The following PABPN1 variants were observed in gnomAD, a reference collection of about 807,000 sequenced individuals.
The protein encoded by PABPN1 is poly(A) binding protein nuclear 1, also known as polyadenylate-binding protein 2.
In PABPN1, 5 loss-of-function variants were observed where a neutral mutation model predicts 33.4. The ratio of observed to expected loss-of-function variants is 0.15; its 90% CI spans 0.08 to 0.32. The LOEUF (loss-of-function observed/expected upper bound fraction) is 0.32. PABPN1 is among the 10% of genes least tolerant of loss of function. The probability of loss-of-function intolerance (pLI) is 1.00; values close to 1 mark genes in which losing one functional copy is unlikely to be tolerated. For synonymous variants in PABPN1, 176 were observed against 170.6 expected, an observed-to-expected ratio of 1.03 and a Z score of -0.25; for missense variants, 312 against 425.8, an observed-to-expected ratio of 0.73 and a Z score of 2.35.
At position 23,325,497 on chromosome 14, in the gene PABPN1, G is replaced by C; in HGVS notation, c.*211G>C. The C allele has an allele frequency of 1.6e-6, 1 of 617,724 alleles. No homozygotes were observed. Among genetic ancestry groups the C allele is most frequent in the East Asian group, 2.8e-5 (1 of 35,120 alleles). The allele number at this position is 617,724 out of a possible 1,614,324, so 38.3% of individuals were successfully genotyped here. On this transcript the variant is annotated 3_prime_UTR_variant, in exon 7 of 7. Transcript: ENST00000216727. ...GGGAGTAGGGGAAGGCCCAGGGAGTGGGGCAGGGGGCTGCTTATTCACTCT... is the reference window on the plus strand; with the variant it reads ...GGGAGTAGGGGAAGGCCCAGGGAGTCGGGCAGGGGGCTGCTTATTCACTCT...
Position 23,324,066 on chromosome 14 carries a change from C to G in PABPN1, c.729+14C>G. ...AGGCAAATCAAGGTAAGCCTATGTC[C>G]ATTGCTGTTCTAGTTGTGTATAAAC... On this transcript the variant is annotated intron_variant, in intron 5 of 6. Transcript: ENST00000216727. The G allele has an allele frequency of 6.2e-7, 1 of 1,614,148 alleles. No individual in the cohort carries two copies. Among genetic ancestry groups the G allele is most frequent in the Non-Finnish European group, 8.5e-7 (1 of 1,180,014 alleles).
In PABPN1 at chr14:23,325,458, A is replaced by G; in HGVS notation, c.*172A>G. 1 of 869,374 alleles carries G rather than the reference A, an allele frequency of 1.2e-6. No homozygotes were observed. Among genetic ancestry groups the G allele is most frequent in the Non-Finnish European group, 1.7e-6 (1 of 588,692 alleles). The allele number at this position is 869,374 out of a possible 1,614,324, so 53.9% of individuals were successfully genotyped here. On this transcript the variant is annotated 3_prime_UTR_variant, in exon 7 of 7. Transcript: ENST00000216727. Reference sequence around the variant, plus strand: ...AGAATCCCATAACTAACTGCTGAGGAGGGACCTGCTTTGGGGAGTAGGGGA... The same window carrying G: ...AGAATCCCATAACTAACTGCTGAGGGGGGACCTGCTTTGGGGAGTAGGGGA...
chr14:23,325,124 A>T (rs568826013), intron 6 of PABPN1, 123 bp from the exon 7 acceptor site: 2 of 1,371,338 alleles, frequency 1.5e-6, no homozygotes, highest in Admixed American at 3.7e-5. Context: ...CAGTTTTAGG[A>T]CACTTGAACA....
Position 23,324,809 on chromosome 14 carries a change from GC to G in PABPN1, c.882-435del, listed in dbSNP as rs977974457. ...AACTTCTCACTGGGCCTAGTGTGGT[GC>G]CCAGGTTTTTGCCTTGCTTCACTTC... On this transcript the variant is annotated intron_variant, in intron 6 of 6. Coordinates refer to ENST00000216727, the MANE Select transcript of PABPN1 (RefSeq NM_004643.4). 6 of 237,532 alleles carry G rather than the reference GC, an allele frequency of 2.5e-5. 1 individual carries two copies. In the East Asian group the frequency reaches 5.0e-4, roughly 20 times the overall value. The allele number at this position is 237,532 out of a possible 1,614,324, so 14.7% of individuals were successfully genotyped here. A position where few individuals can be genotyped will look rare whatever the true frequency, so the allele number is the denominator to read the frequency against.
In PABPN1 at chr14:23,323,597, T is replaced by TTAA; in HGVS notation, c.641+115_641+117dup. ...TGTTAACACAGGTGATCTGTGTCAT[T>TTAA]TAAGATCATGGCATTAATGTTGATA... On this transcript the variant is annotated intron_variant, in intron 4 of 6. Coordinates refer to ENST00000216727, the MANE Select transcript of PABPN1 (RefSeq NM_004643.4). 3.0e-6 allele frequency: 3 copies of TTAA among 1,010,798 alleles called. No individual in the cohort carries two copies. In the African/African-American group the frequency reaches 4.8e-5, roughly 16 times the overall value. The allele number at this position is 1,010,798 out of a possible 1,614,324, so 62.6% of individuals were successfully genotyped here.
intron 2 of PABPN1, 163 bp from the exon 3 acceptor site, chr14:23,322,836 C>A: frequency 1.3e-6 from 1 of 783,736 alleles, no homozygotes; most frequent in Non-Finnish European, 2.2e-6. Flanking sequence ...ACCTGCTATG[C>A]ACTAGGCACT....
At position 23,321,499 on chromosome 14, in the gene PABPN1, A is replaced by T. The variant is rs949691777; in HGVS notation, c.30A>T (p.Ala10=). ...CGGCGGCGGCGGCGGCGGCAGCAGCAGCGGGGGCTGCGGGCGGTCGGGGCT... is the reference window on the plus strand; with the variant it reads ...CGGCGGCGGCGGCGGCGGCAGCAGCTGCGGGGGCTGCGGGCGGTCGGGGCT... MAAAAAAAA[A]AGAAGGRGSG... is the part of the protein sequence containing the mutation. Residue 10 remains alanine, a synonymous_variant, in exon 1 of 7, where the codon GCA becomes GCT. Transcript: ENST00000216727. 3.3e-6 allele frequency: 4 copies of T among 1,219,840 alleles called. No homozygotes were observed. Among genetic ancestry groups the T allele is most frequent in the Admixed American group, 4.4e-5 (1 of 22,774 alleles). 75.6% of individuals were successfully genotyped at this position (1,219,840 alleles called of 1,614,324 possible). A position where few individuals can be genotyped will look rare whatever the true frequency, so the allele number is the denominator to read the frequency against.
chr14:23,324,948 A>G, intron 6 of PABPN1: 1 of 375,580 alleles, frequency 2.7e-6, no homozygotes, highest in East Asian at 4.5e-5. Context: ...CTAGGGTTTA[A>G]GAGCTGTGGA....
Position 23,325,366 on chromosome 14 carries a change from A to G in PABPN1, c.*80A>G. The G allele has an allele frequency of 6.1e-6, 9 of 1,481,230 alleles. No homozygotes were observed. Among genetic ancestry groups the G allele is most frequent in the African/African-American group, 1.4e-5 (1 of 69,678 alleles). 91.8% of individuals were successfully genotyped at this position (1,481,230 alleles called of 1,614,324 possible). On this transcript the variant is annotated 3_prime_UTR_variant, in exon 7 of 7. Transcript: ENST00000216727. Reference sequence around the variant, plus strand: ...AAAAGAATTAAAAAAAAAAAAAAGAAAAACAGAAGATGACCTTGATGGAAA... The same window carrying G: ...AAAAGAATTAAAAAAAAAAAAAAGAGAAACAGAAGATGACCTTGATGGAAA...
Position 23,325,368 on chromosome 14 carries a change from A to T in PABPN1, c.*82A>T. On this transcript the variant is annotated 3_prime_UTR_variant, in exon 7 of 7. Transcript: ENST00000216727. ...AAGAATTAAAAAAAAAAAAAAGAAA[A>T]ACAGAAGATGACCTTGATGGAAAAA... 6.8e-7 allele frequency: 1 copy of T among 1,474,066 alleles called. No homozygotes were observed. Among genetic ancestry groups the T allele is most frequent in the Non-Finnish European group, 9.1e-7 (1 of 1,095,940 alleles). The allele number at this position is 1,474,066 out of a possible 1,614,324, so 91.3% of individuals were successfully genotyped here.
rs748378670 is a variant in PABPN1 at position 23,325,327 on chromosome 14, A to G, written c.*41A>G. 2 of 1,559,414 alleles carry G rather than the reference A, an allele frequency of 1.3e-6. No individual in the cohort carries two copies. Among genetic ancestry groups the G allele is most frequent in the Non-Finnish European group, 1.7e-6 (2 of 1,157,464 alleles). ...GGAGGAGAGAGAGGAAAAAAAGAGG[A>G]AAGAAGGAAAAAAAAAAGAATTAAA... On this transcript the variant is annotated 3_prime_UTR_variant, in exon 7 of 7. Coordinates refer to ENST00000216727, the MANE Select transcript of PABPN1 (RefSeq NM_004643.4).
chr14:23,325,118 T>C, intron 6 of PABPN1, 129 bp from the exon 7 acceptor site: 2 of 1,337,398 alleles, frequency 1.5e-6, no homozygotes, highest in Non-Finnish European at 1.1e-6. Flanking sequence ...TGGGGTCAGT[T>C]TTAGGACACT....
At position 23,322,176 on chromosome 14, in the gene PABPN1, A is replaced by G. The variant is rs1193336636; in HGVS notation, c.352-5A>G. 23 of 1,601,654 alleles carry G rather than the reference A, an allele frequency of 1.4e-5. No individual in the cohort carries two copies. Among genetic ancestry groups the G allele is most frequent in the Non-Finnish European group, 1.6e-5 (19 of 1,174,010 alleles). On this transcript the variant is annotated splice_region_variant and splice_polypyrimidine_tract_variant and intron_variant, in intron 1 of 6. Transcript: ENST00000216727. ...TGTCCTCCATACCCTCCCCACTTAT[A>G]TTAGGAGCTGGAAGCTATCAAAGCT...
chr14:23,321,949 T>C, intron 1 of PABPN1, 129 bp downstream of exon 1: 1 of 753,378 alleles, frequency 1.3e-6, no homozygotes, highest in Non-Finnish European at 2.1e-6. Context: ...TGGGGCCGGG[T>C]CGGGCCGGGG....
intron 6 of PABPN1, 30 bp from the exon 7 acceptor site, chr14:23,325,217 T>C: frequency 6.2e-7 from 1 of 1,613,148 alleles, no homozygotes; most frequent in African/African-American, 1.3e-5. Flanking sequence ...AGTGATCACG[T>C]TAACACCTAA....
At chr14:23,324,535 C>T (rs1176984126) in intron 6 of PABPN1, 6 of 601,074 alleles carry the variant, frequency 1.0e-5, no homozygotes, top group East Asian at 8.3e-5. Flanking sequence ...GAGGCTTCCA[C>T]CCCCAGCCTT....
Position 23,323,990 on chromosome 14 carries a change from A to G in PABPN1, c.667A>G (p.Lys223Glu). Residue 223 changes from lysine to glutamate, a missense_variant, in exon 5 of 7, where the codon AAA becomes GAA. Physicochemically the swap from Lys to Glu is moderately conservative, Grantham distance 56. This residue lies in a region of PABPN1 where 77 missense variants were observed against 185.7 expected (regional missense o/e 0.41). Coordinates refer to ENST00000216727, the MANE Select transcript of PABPN1 (RefSeq NM_004643.4). ...KGFAYIEFSDKESVRTSLALD... is the reference protein window; with the variant it reads ...KGFAYIEFSDEESVRTSLALD... The stretch of plus-strand genomic sequence containing the variant: ...GTTTGCGTATATAGAGTTCTCAGAC[A>G]AAGAGTCAGTGAGGACTTCCTTGGC... 1 of 1,614,190 alleles carries G rather than the reference A, an allele frequency of 6.2e-7. No homozygotes were observed. The highest frequency in any genetic ancestry group is 8.5e-7 in the Non-Finnish European group (1 of 1,180,024).
intron 6 of PABPN1, chr14:23,324,511 T>G: frequency 3.3e-6 from 2 of 603,982 alleles, no homozygotes; most frequent in African/African-American, 1.9e-5. Flanking sequence ...GCTGCATCCC[T>G]CCCTTGGTTC....
At chr14:23,324,644 CT>C in intron 6 of PABPN1, 4 of 453,066 alleles carry the variant, frequency 8.8e-6, no homozygotes, top group South Asian at 7.7e-5. Context: ...ACATTTGTTA[CT>C]TTTTTCGGAG....
Sources: gnomAD v4.1 joint callset for allele counts on GRCh38, gnomAD v4.1.1 for gene constraint, gnomAD v4.1.1 regional missense constraint, MANE v1.5 for transcripts, NCBI Gene and HGNC (gene_info 2026-07-23, HGNC 2026-07-21) for gene names.